MOCOS: variants seen among roughly 807,000 people sequenced by gnomAD.
MOCOS encodes the protein human molybdenum cofactor sulfurase.
A neutral mutation model predicts 83.6 loss-of-function variants in MOCOS; 86 were observed. The observed-to-expected ratio is 1.03, with a 90% CI of 0.86 to 1.23. The LOEUF is 1.23. Ranked by LOEUF, MOCOS falls within the 50% of genes most tolerant of loss-of-function variation. The probability of loss-of-function intolerance (pLI) is 0.00; values close to 1 mark genes in which losing one functional copy is unlikely to be tolerated. For synonymous variants in MOCOS, 445 were observed against 434.7 expected (o/e 1.02, Z -0.29); for missense variants, 1,120 against 1,126.9 (o/e 0.99, Z 0.09).
At chr18:36,261,026 T>C (rs964506661) in intron 13 of MOCOS, among the ~76,000 whole-genome samples, 1 of 151,982 alleles carries the variant, frequency 6.6e-6, no homozygotes, top group Admixed American at 6.6e-5. Flanking sequence ...TGAGACCAAG[T>C]CTGTTTTATT....
chr18:36,228,393 T>A (rs2091525535), intron 9 of MOCOS, among the ~76,000 whole-genome samples: 1 of 152,126 alleles, frequency 6.6e-6, no homozygotes, highest in Admixed American at 6.6e-5. Context: ...CGTACATTTG[T>A]GACACAATTC....
At position 36,215,683 on chromosome 18, in the gene MOCOS, C is replaced by G. The variant is rs373551749; in HGVS notation, c.1503C>G (p.Ala501=). The stretch of plus-strand genomic sequence containing the variant: ...CAGGGGACTGGCCTGTCCCTCAGGC[C>G]CATGCTGACACCGGGGAGACTGGAG... ...HSSGDWPVPQ[A]HADTGETGAP... Residue 501 remains alanine, a synonymous_variant, in exon 8 of 15, where the codon GCC becomes GCG. Transcript: ENST00000261326. 2 of 1,614,034 alleles carry G rather than the reference C, an allele frequency of 1.2e-6. No individual in the cohort carries two copies. The highest frequency in any genetic ancestry group is 1.7e-6 in the Non-Finnish European group (2 of 1,180,046).
chr18:36,201,736 G>A (rs1346626318), intron 4 of MOCOS, among the ~76,000 whole-genome samples: 1 of 150,892 alleles, frequency 6.6e-6, no homozygotes, highest in Non-Finnish European at 1.5e-5. Context: ...GAATGGTAGG[G>A]ATCAATGTTA....
At chr18:36,223,648 T>C (rs1406346964) in intron 9 of MOCOS, among the ~76,000 whole-genome samples, 1 of 152,246 alleles carries the variant, frequency 6.6e-6, no homozygotes, top group Non-Finnish European at 1.5e-5. Flanking sequence ...GCGATTTTGA[T>C]AGGGATTGCA....
chr18:36,198,243 G>C (rs142347820), intron 2 of MOCOS, among the ~76,000 whole-genome samples: 1 of 152,248 alleles, frequency 6.6e-6, no homozygotes, highest in Non-Finnish European at 1.5e-5. Flanking sequence ...ATTTTAAAAA[G>C]TTAGCCAGGT....
intron 9 of MOCOS, among the ~76,000 whole-genome samples, chr18:36,233,977 T>C (rs77170993): frequency 0.017 from 2,524 of 152,258 alleles, 60 homozygotes; most frequent in African/African-American, 0.057. Flanking sequence ...CTCTCTCACT[T>C]TGTGGATTGT....
At chr18:36,234,430 T>G (rs2091549976) in intron 9 of MOCOS, among the ~76,000 whole-genome samples, 1 of 152,216 alleles carries the variant, frequency 6.6e-6, no homozygotes, top group Non-Finnish European at 1.5e-5. Context: ...TTGGTAACAG[T>G]AGCCTTGTAT....
chr18:36,221,351 C>G (rs544658224), intron 9 of MOCOS, among the ~76,000 whole-genome samples: 2 of 152,354 alleles, frequency 1.3e-5, no homozygotes, highest in African/African-American at 4.8e-5. Flanking sequence ...CATTTGGCCA[C>G]ATTTCCTTTA....
chr18:36,243,790 C>T (rs772789964), intron 9 of MOCOS, among the ~76,000 whole-genome samples: 12 of 152,168 alleles, frequency 7.9e-5, no homozygotes, highest in African/African-American at 1.2e-4. Flanking sequence ...ATTTCAGTCT[C>T]GCTACTTGTT....
intron 9 of MOCOS, among the ~76,000 whole-genome samples, chr18:36,225,271 C>T (rs953929926): frequency 6.6e-6 from 1 of 152,134 alleles, no homozygotes; most frequent in African/African-American, 2.4e-5. Flanking sequence ...CCTGCCTCAG[C>T]CTCCCGAGTA....
intron 1 of MOCOS, among the ~76,000 whole-genome samples, chr18:36,191,034 A>AAAAAG (rs1250738980): frequency 7.6e-6 from 1 of 130,774 alleles, no homozygotes; most frequent in Admixed American, 7.2e-5. Flanking sequence ...AAAAAAAAGA[A>AAAAAG]AAAGAAAAAA....
At chr18:36,255,658 A>C (rs546998455) in intron 11 of MOCOS, among the ~76,000 whole-genome samples, 2 of 152,148 alleles carry the variant, frequency 1.3e-5, no homozygotes, top group African/African-American at 4.8e-5. Context: ...GCAGATCTGG[A>C]GGGCAGTTCT....
chr18:36,218,476 A>G (rs1218596540), intron 8 of MOCOS, among the ~76,000 whole-genome samples: 5 of 152,042 alleles, frequency 3.3e-5, no homozygotes, highest in Admixed American at 2.0e-4. Flanking sequence ...GTGCTGAAAG[A>G]CTTCTTACTT....
intron 11 of MOCOS, 52 bp downstream of exon 11, chr18:36,251,335 G>T: frequency 6.2e-7 from 1 of 1,604,114 alleles, no homozygotes; most frequent in Non-Finnish European, 8.5e-7. Context: ...GCTTACCCTT[G>T]CACACATCAA....
chr18:36,233,095 T>G (rs890609952), intron 9 of MOCOS, among the ~76,000 whole-genome samples: 1 of 152,172 alleles, frequency 6.6e-6, no homozygotes, highest in Non-Finnish European at 1.5e-5. Context: ...TCTTTAGGTG[T>G]GATTTCTGAG....
intron 1 of MOCOS, among the ~76,000 whole-genome samples, chr18:36,189,614 A>G (rs1255780474): frequency 6.6e-6 from 1 of 152,302 alleles, no homozygotes; most frequent in East Asian, 1.9e-4. Context: ...AAAGATTTGG[A>G]TGGGAACTTC....
intron 1 of MOCOS, among the ~76,000 whole-genome samples, chr18:36,193,885 ACAAT>A (rs1369529973): frequency 6.6e-6 from 1 of 152,264 alleles, no homozygotes; most frequent in African/African-American, 2.4e-5. Context: ...AAAAGTGGAA[ACAAT>A]CCAAATATTC....
chr18:36,204,011 T>C (rs898583351), intron 5 of MOCOS, among the ~76,000 whole-genome samples: 4 of 152,220 alleles, frequency 2.6e-5, no homozygotes, highest in African/African-American at 9.6e-5. Flanking sequence ...GTCCACAATA[T>C]GGCAAACCCT....
At position 36,271,097 on chromosome 18, in the gene MOCOS, G is replaced by T. The variant is rs945149779; in HGVS notation, c.*2412G>T. 5 of 152,104 alleles carry T rather than the reference G, an allele frequency of 3.3e-5. No individual in the cohort carries two copies. The highest frequency in any genetic ancestry group is 4.4e-5 in the Non-Finnish European group (3 of 68,044). 9.4% of individuals were successfully genotyped at this position (152,104 alleles called of 1,614,324 possible). A position where few individuals can be genotyped will look rare whatever the true frequency, so the allele number is the denominator to read the frequency against. ...CCGCCACAGCCTCCCAAAGTTCTGG[G>T]ATTACAAGTGTGAGCCACTGTGCCC... is the stretch of plus-strand genomic sequence containing the variant. On this transcript the variant is annotated 3_prime_UTR_variant, in exon 15 of 15. Transcript: ENST00000261326.
Sources: gnomAD v4.1 joint callset for allele counts (sites outside exome capture counted in the v4.1 genomes callset) on GRCh38, gnomAD v4.1.1 for gene constraint, MANE v1.5 for transcripts, NCBI Gene and HGNC (gene_info 2026-07-23, HGNC 2026-07-21) for gene names.